Variants in MMRN2 observed in about 807,000 individuals in gnomAD.
MMRN2 encodes the protein multimerin 2.
MMRN2 carries 53 observed loss-of-function variants against 68.8 expected under a neutral mutation model. The ratio of observed to expected loss-of-function variants is 0.77; its 90% CI spans 0.62 to 0.97. The LOEUF is 0.97. MMRN2 is among the 50% of genes least tolerant of loss of function. MMRN2 has a pLI of 0.00. For synonymous variants in MMRN2, 564 were observed against 551.6 expected (o/e 1.02, Z -0.32); for missense variants, 1,266 against 1,259.5 (o/e 1.01, Z -0.08).
chr10:86,940,772 G>T (rs2133676329), intron 6 of MMRN2, among the ~76,000 whole-genome samples: 3 of 152,348 alleles, frequency 2.0e-5, no homozygotes, highest in Admixed American at 2.0e-4. Context: ...TGGCCAAGAT[G>T]GTGGCCTTGT....
At chr10:86,944,957 C>T (rs1695956047) in intron 4 of MMRN2, among the ~76,000 whole-genome samples, 1 of 152,208 alleles carries the variant, frequency 6.6e-6, no homozygotes, top group Non-Finnish European at 1.5e-5. Context: ...ACCAGTCCTT[C>T]CCAGAAGATG....
intron 1 of MMRN2, among the ~76,000 whole-genome samples, chr10:86,946,219 A>C (rs959942837): frequency 6.6e-6 from 1 of 152,134 alleles, no homozygotes; most frequent in African/African-American, 2.4e-5. Flanking sequence ...TTCCCCATCT[A>C]TACAATGGCG....
Position 86,944,306 on chromosome 10 carries a change from C to T in MMRN2, c.611G>A (p.Gly204Asp). ...SLPGLWKALP[G>D]NLTAAVMEAN... Reference sequence around the variant, plus strand: ...TTCCATCACTGCAGCTGTGAGGTTACCAGGCAGGGCTTTCCACAGGCCTGG... The same window carrying T: ...TTCCATCACTGCAGCTGTGAGGTTATCAGGCAGGGCTTTCCACAGGCCTGG... Residue 204 changes from glycine to aspartate, a missense_variant, in exon 5 of 7, where the codon GGT becomes GAT. Gly to Asp is a moderately conservative substitution (Grantham distance 94). Coordinates refer to ENST00000372027, the MANE Select transcript of MMRN2 (RefSeq NM_024756.3). 6.2e-7 allele frequency: 1 copy of T among 1,613,262 alleles called. No individual in the cohort carries two copies. The highest frequency in any genetic ancestry group is 1.3e-5 in the African/African-American group (1 of 75,032).
intron 6 of MMRN2, among the ~76,000 whole-genome samples, chr10:86,938,171 C>A (rs75252226): frequency 0.019 from 2,865 of 152,270 alleles, 100 homozygotes; most frequent in African/African-American, 0.065. Context: ...TGAGCTCAAG[C>A]GGTCCTCCCA....
chr10:86,937,339 CTG>C (rs1843895675), intron 6 of MMRN2, among the ~76,000 whole-genome samples: 1 of 152,084 alleles, frequency 6.6e-6, no homozygotes, highest in Non-Finnish European at 1.5e-5. Flanking sequence ...AAATGCAAGT[CTG>C]TTGTCTGAGC....
chr10:86,945,320 A>G, intron 3 of MMRN2, 50 bp downstream of exon 3: 1 of 1,610,272 alleles, frequency 6.2e-7, no homozygotes, highest in Non-Finnish European at 8.5e-7. Context: ...GAGCTGCTTG[A>G]CCTTGGGGAT....
Position 86,942,538 on chromosome 10 carries a change from C to T in MMRN2, c.2246G>A (p.Arg749Gln). 2 of 1,613,606 alleles carry T rather than the reference C, an allele frequency of 1.2e-6. No homozygotes were observed. The highest frequency in any genetic ancestry group is 1.1e-5 in the South Asian group (1 of 91,080). ...ATQRSLEQHQ[R>Q]LFHSLFGNFQ... ...GTTCCCAAAGAGGCTGTGGAAGAGCCGCTGGTGCTGCTCCAAGCTGCGCTG... is the reference window on the plus strand; with the variant it reads ...GTTCCCAAAGAGGCTGTGGAAGAGCTGCTGGTGCTGCTCCAAGCTGCGCTG... Residue 749 changes from arginine (R) to glutamine (Q), a missense_variant, in exon 6 of 7, where the codon CGG (arginine) becomes CAG (glutamine). Physicochemically the swap from Arg to Gln is conservative, Grantham distance 43. Coordinates refer to ENST00000372027, the MANE Select transcript of MMRN2 (RefSeq NM_024756.3).
intron 6 of MMRN2, 108 bp from the exon 7 acceptor site, chr10:86,937,233 A>AC: frequency 1.4e-5 from 17 of 1,195,726 alleles, no homozygotes; most frequent in Non-Finnish European, 1.7e-5. Flanking sequence ...GAAATAGGTC[A>AC]CTATTTCTAG....
In MMRN2 at chr10:86,942,366, C is replaced by T. The variant is rs1255696503; in HGVS notation, c.2418G>A (p.Arg806=). The part of the protein sequence containing the change: ...KKEAEPLVDI[R]VTGPVPGALG... ...AGGCACCTGGCACAGGCCCTGTGAC[C>T]CGTATGTCCACCAAAGGCTCCGCTT... Residue 806 remains arginine (R), a synonymous_variant, in exon 6 of 7, where the codon CGG becomes CGA. Coordinates refer to ENST00000372027, the MANE Select transcript of MMRN2 (RefSeq NM_024756.3). 2 of 1,613,982 alleles carry T rather than the reference C, an allele frequency of 1.2e-6. No homozygotes were observed. The highest frequency in any genetic ancestry group is 2.7e-5 in the African/African-American group (2 of 74,944).
intron 6 of MMRN2, 64 bp from the exon 7 acceptor site, chr10:86,937,189 C>A: frequency 6.4e-7 from 1 of 1,560,252 alleles, no homozygotes; most frequent in African/African-American, 1.4e-5. Flanking sequence ...GAAATTAAAC[C>A]CTGAGACCTA....
chr10:86,936,177 T>C lies in MMRN2; in HGVS notation c.*566A>G, dbSNP rs1280251694. The C allele has an allele frequency of 5.3e-6, 2 of 375,932 alleles. No individual in the cohort carries two copies. The highest frequency in any genetic ancestry group is 9.4e-6 in the Non-Finnish European group (2 of 212,562). 23.3% of individuals were successfully genotyped at this position (375,932 alleles called of 1,614,324 possible). A position where few individuals can be genotyped will look rare whatever the true frequency, so the allele number is the denominator to read the frequency against. The stretch of plus-strand genomic sequence containing the variant: ...TACAAGGAATGACTGAAACTAAAGA[T>C]ACTAATTTCCTTTCCCTTGGTTGGC... On this transcript the variant is annotated 3_prime_UTR_variant, in exon 7 of 7. Coordinates refer to ENST00000372027, the MANE Select transcript of MMRN2 (RefSeq NM_024756.3).
In MMRN2 at chr10:86,936,865, C is replaced by G. The variant is rs34587013; in HGVS notation, c.2728G>C (p.Val910Leu). 0.08 allele frequency: 129,673 copies of G among 1,614,116 alleles called. 5,664 individuals carry two copies. The highest frequency in any genetic ancestry group is 0.13 in the South Asian group (11,497 of 91,076). ...TGQGSGSTAT[V>L]FAMAELQKGE... is the part of the protein sequence containing the mutation. Reference sequence around the variant, plus strand: ...TTCTGCAGCTCAGCCATGGCAAAGACCGTTGCTGTGCTTCCACTCCCCTGC... The same window carrying G: ...TTCTGCAGCTCAGCCATGGCAAAGAGCGTTGCTGTGCTTCCACTCCCCTGC... The change falls in exon 7 of 7, where the codon GTC (valine) becomes CTC (leucine). Residue 910 changes from valine (V) to leucine (L), a missense_variant. By Grantham distance (32) the Val-to-Leu change is conservative. Transcript: ENST00000372027.
chr10:86,936,798 G>A lies in MMRN2; in HGVS notation c.2795C>T (p.Thr932Ile). Residue 932 changes from threonine to isoleucine, a missense_variant, in exon 7 of 7, where the codon ACA becomes ATA. By Grantham distance (89) the Thr-to-Ile change is moderately conservative. Transcript: ENST00000372027. ...VWFELTQGSI[T>I]KRSLSGTAFG... ...TGCAGTGCCCGACAGGCTTCTCTTTGTTATTGATCCCTGGGTTAACTCAAA... is the reference window on the plus strand; with the variant it reads ...TGCAGTGCCCGACAGGCTTCTCTTTATTATTGATCCCTGGGTTAACTCAAA... 4.3e-6 allele frequency: 7 copies of A among 1,614,202 alleles called. No individual in the cohort carries two copies. Among genetic ancestry groups the A allele is most frequent in the Non-Finnish European group, 5.9e-6 (7 of 1,180,024 alleles).
Position 86,936,714 on chromosome 10 carries a change from A to G in MMRN2, c.*29T>C, listed in dbSNP as rs1843884343. On this transcript the variant is annotated 3_prime_UTR_variant, in exon 7 of 7. Coordinates refer to ENST00000372027, the MANE Select transcript of MMRN2 (RefSeq NM_024756.3). ...AGGCCGAGGAGAGCTGGGCGAGTCC[A>G]TGATGTCTGATCAGATTGGGGCTGG... is the stretch of plus-strand genomic sequence containing the variant. The G allele has an allele frequency of 1.2e-6, 2 of 1,607,614 alleles. No homozygotes were observed. Among genetic ancestry groups the G allele is most frequent in the South Asian group, 1.1e-5 (1 of 90,612 alleles).
intron 1 of MMRN2, among the ~76,000 whole-genome samples, chr10:86,955,593 C>A (rs2133689246): frequency 6.6e-6 from 1 of 152,326 alleles, no homozygotes; most frequent in South Asian, 2.1e-4. Context: ...GTGTCACCAC[C>A]CCTGCTAGCA....
rs141447174 is a variant in MMRN2, at chr10:86,943,215, G to C, written c.1569C>G (p.Asp523Glu). The change falls in exon 6 of 7, where the codon GAC (aspartate) becomes GAG (glutamate). Residue 523 changes from aspartate (D) to glutamate (E), a missense_variant. Transcript: ENST00000372027. The surrounding 1 kb of genome is among the most constrained non-coding windows in gnomAD (Gnocchi z 4.2). ...AGGAGCCGTCCAGCTGCCGCCGCTCGTCCAGGCTCACCTGGGTCTCCTCCA... is the reference window on the plus strand; with the variant it reads ...AGGAGCCGTCCAGCTGCCGCCGCTCCTCCAGGCTCACCTGGGTCTCCTCCA... ...RALEETQVSL[D>E]ERRQLDGSSL... The C allele has an allele frequency of 6.2e-7, 1 of 1,609,998 alleles. No homozygotes were observed. The highest frequency in any genetic ancestry group is 8.5e-7 in the Non-Finnish European group (1 of 1,177,798).
In MMRN2 at chr10:86,945,380, G is replaced by C; in HGVS notation, c.390C>G (p.Cys130Trp). 6.3e-7 allele frequency: 1 copy of C among 1,590,868 alleles called. No individual in the cohort carries two copies. Among genetic ancestry groups the C allele is most frequent in the Non-Finnish European group, 8.6e-7 (1 of 1,168,060 alleles). The change falls in exon 3 of 7, where the codon TGC becomes TGG. Residue 130 changes from cysteine to tryptophan, a missense_variant. Transcript: ENST00000372027. ...RCCPGYTGPNCEHHDSMAIPE... is the reference protein window; with the variant it reads ...RCCPGYTGPNWEHHDSMAIPE... Reference sequence around the variant, plus strand: ...CGCAGGGAGCCCTACCGTGGTGCTCGCAGTTGGGGCCCGTGTAGCCAGGGC... The same window carrying C: ...CGCAGGGAGCCCTACCGTGGTGCTCCCAGTTGGGGCCCGTGTAGCCAGGGC...
intron 1 of MMRN2, among the ~76,000 whole-genome samples, chr10:86,951,779 G>A (rs1209081141): frequency 6.6e-6 from 1 of 152,222 alleles, no homozygotes; most frequent in Non-Finnish European, 1.5e-5. Flanking sequence ...TGGACACAGT[G>A]ACTCATGCCT....
chr10:86,952,543 C>T (rs10788537), intron 1 of MMRN2, among the ~76,000 whole-genome samples: 76,093 of 152,048 alleles, frequency 0.5, 19,271 homozygotes, highest in African/African-American at 0.56. Flanking sequence ...ATCGGTAGGA[C>T]TGTGATGCCC....
Sources: gnomAD v4.1 joint callset for allele counts (sites outside exome capture counted in the v4.1 genomes callset) on GRCh38, gnomAD v4.1.1 for gene constraint, Gnocchi (gnomAD v3.1) non-coding constraint, MANE v1.5 for transcripts, NCBI Gene and HGNC (gene_info 2026-07-23, HGNC 2026-07-21) for gene names.